Variants in SORCS3 observed in about 807,000 individuals in gnomAD.
SORCS3 encodes sortilin related VPS10 domain containing receptor 3, also known as VPS10 domain-containing receptor SorCS3.
A neutral mutation model predicts 146.3 loss-of-function variants in SORCS3; 57 were observed. The ratio of observed to expected loss-of-function variants is 0.39; its 90% CI spans 0.31 to 0.49. The LOEUF (loss-of-function observed/expected upper bound fraction) is 0.49, where lower values mean the gene tolerates loss of function less well. SORCS3 is among the 20% of genes least tolerant of loss of function. SORCS3 has a pLI of 0.92. For missense variants in SORCS3, 1,341 were observed against 1,575.5 expected (o/e 0.85, Z 2.52); for synonymous variants, 653 against 618.5 (o/e 1.06, Z -0.83).
intron 1 of SORCS3, among the ~76,000 whole-genome samples, chr10:104,658,101 T>G (rs1421183574): frequency 1.3e-5 from 2 of 152,244 alleles, no homozygotes; most frequent in Non-Finnish European, 2.9e-5. Flanking sequence ...TTGTTTTGTG[T>G]TTTCTTTCTT....
At chr10:104,649,797 T>G (rs1343420417) in intron 1 of SORCS3, among the ~76,000 whole-genome samples, 2 of 152,196 alleles carry the variant, frequency 1.3e-5, no homozygotes, top group Non-Finnish European at 2.9e-5. Context: ...ATGAATAAAT[T>G]TAACATTATT....
intron 13 of SORCS3, 41 bp downstream of exon 13, chr10:105,167,390 G>A (rs1001189642): frequency 1.4e-6 from 2 of 1,422,360 alleles, no homozygotes; most frequent in African/African-American, 2.8e-5. Context: ...CTAATGAGCA[G>A]CTTTTTAGTG....
At chr10:104,984,262 G>A (rs2054949354) in intron 4 of SORCS3, among the ~76,000 whole-genome samples, 1 of 152,142 alleles carries the variant, frequency 6.6e-6, no homozygotes, top group Non-Finnish European at 1.5e-5. Flanking sequence ...TTGACATTCA[G>A]TAATCCCAGT....
intron 7 of SORCS3, among the ~76,000 whole-genome samples, chr10:105,132,082 A>G (rs763854315): frequency 9.9e-5 from 15 of 152,140 alleles, no homozygotes; most frequent in Non-Finnish European, 1.8e-4. Context: ...AGCCTGAGGG[A>G]CCAGCAAAAC....
chr10:104,817,371 C>T (rs1321354219), intron 1 of SORCS3, among the ~76,000 whole-genome samples: 5 of 107,718 alleles, frequency 4.6e-5, no homozygotes, highest in African/African-American at 1.5e-4. Context: ...CACCCTTCTC[C>T]CCTTCCTCCC....
Position 105,223,094 on chromosome 10 carries a change from CTT to C in SORCS3, c.2735-14_2735-13del. On this transcript the variant is annotated intron_variant, in intron 19 of 26. Coordinates refer to ENST00000369701, the MANE Select transcript of SORCS3 (RefSeq NM_014978.3). Reference sequence around the variant, plus strand: ...ACCACATCCAGAATATAAACACTGACTTTTTTTTTCTGTTTCCTTAGGTCCTG... The same window carrying C: ...ACCACATCCAGAATATAAACACTGACTTTTTTTCTGTTTCCTTAGGTCCTG... 2 of 1,575,092 alleles carry C rather than the reference CTT, an allele frequency of 1.3e-6. No homozygotes were observed. The highest frequency in any genetic ancestry group is 8.7e-7 in the Non-Finnish European group (1 of 1,154,442).
intron 20 of SORCS3, among the ~76,000 whole-genome samples, chr10:105,237,944 A>C (rs1021761195): frequency 6.6e-6 from 1 of 152,200 alleles, no homozygotes; most frequent in Non-Finnish European, 1.5e-5. Flanking sequence ...CATCCTACTG[A>C]TAAGAGTGAA....
chr10:104,799,301 CCAT>C (rs1329774372), intron 1 of SORCS3, among the ~76,000 whole-genome samples: 6 of 152,156 alleles, frequency 3.9e-5, no homozygotes, highest in African/African-American at 1.4e-4. Context: ...ACCCAAATGT[CCAT>C]CAATGATAGA....
intron 8 of SORCS3, among the ~76,000 whole-genome samples, chr10:105,139,767 C>T (rs1231303267): frequency 6.6e-6 from 1 of 152,118 alleles, no homozygotes; most frequent in African/African-American, 2.4e-5. Flanking sequence ...GGAACACTAG[C>T]TTTGGAATCT....
chr10:104,909,029 C>T (rs2018937669), intron 2 of SORCS3, among the ~76,000 whole-genome samples: 2 of 152,104 alleles, frequency 1.3e-5, no homozygotes, highest in South Asian at 4.1e-4. Flanking sequence ...GAGAACATGA[C>T]TCGGGGGTGG....
intron 2 of SORCS3, among the ~76,000 whole-genome samples, chr10:104,907,248 A>G (rs1311578359): frequency 6.6e-6 from 1 of 151,986 alleles, no homozygotes; most frequent in African/African-American, 2.4e-5. Flanking sequence ...ATACCTTCTC[A>G]TGGGCCTGTT....
At chr10:105,178,698 G>A (rs1050928852) in intron 14 of SORCS3, among the ~76,000 whole-genome samples, 3 of 152,018 alleles carry the variant, frequency 2.0e-5, no homozygotes, top group Non-Finnish European at 2.9e-5. Flanking sequence ...TTTATAATGA[G>A]ATTTAATCTT....
chr10:105,092,572 A>G (rs2055717472), intron 6 of SORCS3, among the ~76,000 whole-genome samples: 1 of 150,722 alleles, frequency 6.6e-6, no homozygotes, highest in South Asian at 2.1e-4. Flanking sequence ...CCTTTGTGGT[A>G]TGCAATGAGT....
At chr10:105,134,320 T>A (rs948580523) in intron 7 of SORCS3, among the ~76,000 whole-genome samples, 2 of 152,186 alleles carry the variant, frequency 1.3e-5, no homozygotes, top group Non-Finnish European at 2.9e-5. Flanking sequence ...AATTAATGAC[T>A]GTCTTATTAT....
At chr10:105,222,420 A>G (rs2056709552) in intron 19 of SORCS3, among the ~76,000 whole-genome samples, 1 of 152,028 alleles carries the variant, frequency 6.6e-6, no homozygotes, top group Non-Finnish European at 1.5e-5. Context: ...TAAAATCCTC[A>G]CTTATTGCCT....
At chr10:105,062,594 C>T (rs1328207594) in intron 5 of SORCS3, among the ~76,000 whole-genome samples, 3 of 152,040 alleles carry the variant, frequency 2.0e-5, no homozygotes, top group Non-Finnish European at 4.4e-5. Flanking sequence ...TTGGAGAGGT[C>T]AAGGTTAAAA....
At chr10:105,115,687 T>C (rs2133761003) in intron 7 of SORCS3, among the ~76,000 whole-genome samples, 1 of 152,274 alleles carries the variant, frequency 6.6e-6, no homozygotes, top group South Asian at 2.1e-4. Context: ...TCCTGATTTA[T>C]ATACCCATCA....
At chr10:104,873,703 A>G (rs1478072552) in intron 2 of SORCS3, among the ~76,000 whole-genome samples, 1 of 152,196 alleles carries the variant, frequency 6.6e-6, no homozygotes, top group South Asian at 2.1e-4. Flanking sequence ...ATTATAAAAT[A>G]TGCAACTAGC....
At chr10:104,694,141 G>A (rs147701450) in intron 1 of SORCS3, among the ~76,000 whole-genome samples, 38 of 150,446 alleles carry the variant, frequency 2.5e-4, no homozygotes, top group African/African-American at 5.6e-4. Context: ...TGCTTTCCAC[G>A]TTAGATTCAA....
Sources: allele counts gnomAD v4.1 joint callset (sites outside exome capture counted in the v4.1 genomes callset), GRCh38; gene constraint gnomAD v4.1.1; transcripts MANE v1.5; gene names NCBI Gene and HGNC (gene_info 2026-07-23, HGNC 2026-07-21).